IGDCC3: variants seen among roughly 807,000 people sequenced by gnomAD.
The protein encoded by IGDCC3 is immunoglobulin superfamily DCC subclass member 3, also known as putative neuronal cell adhesion molecule.
IGDCC3 carries 47 observed loss-of-function variants against 72.0 expected under a neutral mutation model. The ratio of observed to expected loss-of-function variants is 0.65; its 90% CI spans 0.52 to 0.83. The LOEUF (loss-of-function observed/expected upper bound fraction) is 0.83. Among genes scored for constraint, IGDCC3 ranks in the 40% least tolerant of loss-of-function variants. The pLI, the probability that IGDCC3 is intolerant of heterozygous loss-of-function variation, is 0.00. For missense variants in IGDCC3, 1,038 were observed against 1,091.3 expected (o/e 0.95, Z 0.69); for synonymous variants, 477 against 472.8 (o/e 1.01, Z -0.11).
chr15:65,370,614 GTATGTGTA>G (rs1343842683), intron 2 of IGDCC3, among the ~76,000 whole-genome samples: 8 of 51,720 alleles, frequency 1.5e-4, no homozygotes, highest in Admixed American at 4.1e-4. Context: ...GTATATATAT[GTATGTGTA>G]TATATATATA....
In IGDCC3 at chr15:65,377,622, C is replaced by A; in HGVS notation, c.103+64G>T. The A allele has an allele frequency of 7.4e-7, 1 of 1,346,312 alleles. No individual in the cohort carries two copies. The highest frequency in any genetic ancestry group is 9.5e-7 in the Non-Finnish European group (1 of 1,050,416). The allele number at this position is 1,346,312 out of a possible 1,614,324, so 83.4% of individuals were successfully genotyped here. On this transcript the variant is annotated intron_variant, in intron 1 of 13. Coordinates refer to ENST00000327987, the MANE Select transcript of IGDCC3 (RefSeq NM_004884.4). This position sits in a 1 kb window ranked among gnomAD's most constrained non-coding sequence, Gnocchi z 4.9. Reference sequence around the variant, plus strand: ...CCGGGTCCGCCCCTCGCGCCCGCTCCCTCCCTGCTCGCCCTTCCCCTGGCT... The same window carrying A: ...CCGGGTCCGCCCCTCGCGCCCGCTCACTCCCTGCTCGCCCTTCCCCTGGCT...
chr15:65,337,968 C>T (rs1228528845), intron 2 of IGDCC3, among the ~76,000 whole-genome samples: 1 of 152,214 alleles, frequency 6.6e-6, no homozygotes, highest in Non-Finnish European at 1.5e-5. Context: ...CCTGGAGGCA[C>T]CCAGTGCTAG....
At chr15:65,375,447 T>A in intron 1 of IGDCC3, 45 bp from the exon 2 acceptor site, 1 of 1,480,030 alleles carries the variant, frequency 6.8e-7, no homozygotes, top group Non-Finnish European at 9.2e-7. Context: ...GGTGTTAGTA[T>A]GAAATGAACA....
chr15:65,338,353 T>C (rs932429901), intron 2 of IGDCC3, among the ~76,000 whole-genome samples: 4 of 152,224 alleles, frequency 2.6e-5, no homozygotes, highest in African/African-American at 9.7e-5. Context: ...ACCATGAATC[T>C]GAAGCTAATC....
intron 4 of IGDCC3, 117 bp from the exon 5 acceptor site, chr15:65,334,982 C>A: frequency 8.1e-7 from 1 of 1,237,844 alleles, no homozygotes; most frequent in Non-Finnish European, 1.1e-6. Flanking sequence ...AAACCAGGTC[C>A]TGTGGGCAGA....
At position 65,331,210 on chromosome 15, in the gene IGDCC3, TG is replaced by T; in HGVS notation, c.1400del (p.Pro467HisfsTer48). On this transcript the variant is annotated frameshift_variant, in exon 9 of 14. Transcript: ENST00000327987. LOFTEE classifies it high-confidence loss of function. ...CTGCCTCCTGATACTCCAGCTCCGG[TG>T]GGTCTGGAGAGGCACAGGGTGGGCA... ...YVLHIRKAAD[P>X]PELEYQEAVS... 10 of 1,613,502 alleles carry T rather than the reference TG, an allele frequency of 6.2e-6. No homozygotes were observed. Among genetic ancestry groups the T allele is most frequent in the Non-Finnish European group, 8.5e-6 (10 of 1,179,820 alleles).
At chr15:65,374,660 T>C (rs1454831884) in intron 2 of IGDCC3, among the ~76,000 whole-genome samples, 1 of 152,190 alleles carries the variant, frequency 6.6e-6, no homozygotes, top group Non-Finnish European at 1.5e-5. Context: ...AGGTTTACAT[T>C]AGTTTAAGCA....
In IGDCC3 at chr15:65,328,726, G is replaced by A. The variant is rs2090945471; in HGVS notation, c.*183C>T. 1 of 582,504 alleles carries A rather than the reference G, an allele frequency of 1.7e-6. No homozygotes were observed. Among genetic ancestry groups the A allele is most frequent in the Non-Finnish European group, 2.6e-6 (1 of 379,086 alleles). The allele number at this position is 582,504 out of a possible 1,614,324, so 36.1% of individuals were successfully genotyped here. On this transcript the variant is annotated 3_prime_UTR_variant, in exon 14 of 14. Transcript: ENST00000327987. ...GCAGGAACTGCTCCAACTCCTGATG[G>A]GTGTTAGGGCCGGGGGGTCCCTGTC...
At chr15:65,330,196 C>A (rs2090963545) in intron 11 of IGDCC3, 97 bp downstream of exon 11, 2 of 941,080 alleles carry the variant, frequency 2.1e-6, no homozygotes, top group Non-Finnish European at 3.4e-6. Context: ...AAACTGTGGT[C>A]TAAGCCTGTG....
chr15:65,370,618 GTGTATATA>G lies in IGDCC3; in HGVS notation c.409+4471_409+4478del, dbSNP rs1285625693. On this transcript the variant is annotated intron_variant, in intron 2 of 13. Transcript: ENST00000327987. ...TATATGTATGTGTATATATATGTAT[GTGTATATA>G]TATATATATATATATATATATAAAA... Among the ~76,000 whole-genome samples the G allele has an allele frequency of 2.8e-3, 161 of 56,866 alleles. 1 individual carries two copies. The South Asian group carries it at 0.031, about 11-fold the overall frequency. The allele number at this position is 56,866 out of a possible 152,430, so 37.3% of individuals were successfully genotyped here. A position where few individuals can be genotyped will look rare whatever the true frequency, so the allele number is the denominator to read the frequency against.
At chr15:65,364,535 G>C (rs948026801) in intron 2 of IGDCC3, among the ~76,000 whole-genome samples, 26 of 152,050 alleles carry the variant, frequency 1.7e-4, no homozygotes, top group African/African-American at 6.3e-4. Context: ...TGGAGGTCAG[G>C]AGCCCACATC....
chr15:65,376,342 C>CA (rs938786054), intron 1 of IGDCC3, among the ~76,000 whole-genome samples: 1 of 152,250 alleles, frequency 6.6e-6, no homozygotes, highest in Non-Finnish European at 1.5e-5. Context: ...ACAAGCACTC[C>CA]AATCCCAGGC....
At chr15:65,365,351 C>A (rs1038153826) in intron 2 of IGDCC3, among the ~76,000 whole-genome samples, 1 of 152,112 alleles carries the variant, frequency 6.6e-6, no homozygotes, top group Admixed American at 6.5e-5. Context: ...CTTGATAGTA[C>A]CCCCACCCTC....
chr15:65,346,554 T>C (rs1332729782), intron 2 of IGDCC3, among the ~76,000 whole-genome samples: 1 of 151,742 alleles, frequency 6.6e-6, no homozygotes, highest in Non-Finnish European at 1.5e-5. Context: ...CCTCCCAGGA[T>C]CAAGCGATTC....
At position 65,377,619 on chromosome 15, in the gene IGDCC3, C is replaced by T; in HGVS notation, c.103+67G>A. ...TCCCCGGGTCCGCCCCTCGCGCCCGCTCCCTCCCTGCTCGCCCTTCCCCTG... is the reference window on the plus strand; with the variant it reads ...TCCCCGGGTCCGCCCCTCGCGCCCGTTCCCTCCCTGCTCGCCCTTCCCCTG... On this transcript the variant is annotated intron_variant, in intron 1 of 13. Coordinates refer to ENST00000327987, the MANE Select transcript of IGDCC3 (RefSeq NM_004884.4). This position sits in a 1 kb window ranked among gnomAD's most constrained non-coding sequence, Gnocchi z 4.9. The T allele has an allele frequency of 7.5e-7, 1 of 1,340,008 alleles. No homozygotes were observed. Among genetic ancestry groups the T allele is most frequent in the South Asian group, 1.9e-5 (1 of 51,540 alleles). The allele number at this position is 1,340,008 out of a possible 1,614,324, so 83.0% of individuals were successfully genotyped here. A position where few individuals can be genotyped will look rare whatever the true frequency, so the allele number is the denominator to read the frequency against.
At chr15:65,354,738 G>T (rs1246978113) in intron 2 of IGDCC3, among the ~76,000 whole-genome samples, 1 of 152,038 alleles carries the variant, frequency 6.6e-6, no homozygotes, top group East Asian at 1.9e-4. Context: ...TTCCACATAA[G>T]TCCCCAGCCT....
rs2090984956 is a variant in IGDCC3 at position 65,332,252 on chromosome 15, G to C, written c.983-146C>G. 3.1e-6 allele frequency: 3 copies of C among 957,164 alleles called. No homozygotes were observed. In the South Asian group the frequency reaches 5.1e-5, roughly 16 times the overall value. The allele number at this position is 957,164 out of a possible 1,614,324, so 59.3% of individuals were successfully genotyped here. ...ATCTGCCCCCTGGAGACTCCTCCAG[G>C]TGGGGCCCAGCCTCTACTCCTGCCC... On this transcript the variant is annotated intron_variant, in intron 6 of 13. Transcript: ENST00000327987.
chr15:65,366,713 C>G (rs994861577), intron 2 of IGDCC3, among the ~76,000 whole-genome samples: 1 of 152,186 alleles, frequency 6.6e-6, no homozygotes, highest in Non-Finnish European at 1.5e-5. Flanking sequence ...ATTAAGCCCA[C>G]CCCGGCCCCT....
intron 2 of IGDCC3, among the ~76,000 whole-genome samples, chr15:65,352,444 T>A (rs542262776): frequency 6.6e-6 from 1 of 152,354 alleles, no homozygotes; most frequent in Admixed American, 6.5e-5. Flanking sequence ...GGAATCAAAC[T>A]TGACTTGTAG....
Sources: allele counts gnomAD v4.1 joint callset (sites outside exome capture counted in the v4.1 genomes callset), GRCh38; gene constraint gnomAD v4.1.1; non-coding constraint Gnocchi (gnomAD v3.1); transcripts MANE v1.5; gene names NCBI Gene and HGNC (gene_info 2026-07-23, HGNC 2026-07-21).